CTNNA3: variants seen among roughly 807,000 people sequenced by gnomAD.
The protein encoded by CTNNA3 is catenin alpha-3.
A neutral mutation model predicts 95.7 loss-of-function variants in CTNNA3; 76 were observed. That is an observed-to-expected ratio of 0.79 (90% CI 0.66 to 0.96). The LOEUF is 0.96. Among genes scored for constraint, CTNNA3 ranks in the 40% least tolerant of loss-of-function variants. CTNNA3 has a pLI of 0.00. For missense variants in CTNNA3, 1,191 were observed against 1,089.8 expected, an observed-to-expected ratio of 1.09 and a Z score of -1.31; for synonymous variants, 431 against 374.4, an observed-to-expected ratio of 1.15 and a Z score of -1.74.
In CTNNA3 at chr10:65,938,398, A is replaced by G. The variant is rs575236085; in HGVS notation, c.2401-17781T>C. 4.6e-5 allele frequency among the ~76,000 whole-genome samples: 7 copies of G among 152,046 alleles called. No homozygotes were observed. The Admixed American group carries it at 4.6e-4, about 10-fold the overall frequency. ...GAATTTAAATTCTCTCTCTTCTGTC[A>G]GAAAGATGACAAAAAAAAATGACTC... is the stretch of plus-strand genomic sequence containing the variant. On this transcript the variant is annotated intron_variant, in intron 17 of 17. Transcript: ENST00000433211.
chr10:67,391,435 G>A (rs1024572186), intron 5 of CTNNA3, among the ~76,000 whole-genome samples: 4 of 152,266 alleles, frequency 2.6e-5, no homozygotes, highest in Admixed American at 6.5e-5. Flanking sequence ...AACATTCCAC[G>A]CTCATGGGTA....
intron 10 of CTNNA3, among the ~76,000 whole-genome samples, chr10:66,567,496 G>A (rs1842748650): frequency 6.6e-6 from 1 of 152,040 alleles, no homozygotes; most frequent in South Asian, 2.1e-4. Flanking sequence ...GTACATGCCT[G>A]TAGTCCTAGC....
chr10:67,153,398 C>T (rs1367370637), intron 7 of CTNNA3, among the ~76,000 whole-genome samples: 1 of 152,218 alleles, frequency 6.6e-6, no homozygotes, highest in African/African-American at 2.4e-5. Context: ...TAATAATGTG[C>T]AGCCAGGATT....
At chr10:67,688,329 G>A (rs1057106451) in intron 1 of CTNNA3, among the ~76,000 whole-genome samples, 3 of 152,094 alleles carry the variant, frequency 2.0e-5, no homozygotes, top group African/African-American at 7.2e-5. Context: ...CTTCTGGGTG[G>A]GGGAGATTAG....
At chr10:65,976,843 G>A (rs1404786396) in intron 16 of CTNNA3, among the ~76,000 whole-genome samples, 1 of 151,494 alleles carries the variant, frequency 6.6e-6, no homozygotes, top group Non-Finnish European at 1.5e-5. Context: ...ATTGAGTTCT[G>A]CATGTTTCTT....
intron 13 of CTNNA3, among the ~76,000 whole-genome samples, chr10:66,204,739 T>C (rs1056924358): frequency 6.6e-6 from 1 of 152,204 alleles, no homozygotes; most frequent in South Asian, 2.1e-4. Context: ...TCAGTTTAAA[T>C]GTCTGTCTCC....
intron 13 of CTNNA3, among the ~76,000 whole-genome samples, chr10:66,163,773 GC>G (rs1447144013): frequency 5.9e-5 from 9 of 152,168 alleles, no homozygotes; most frequent in Non-Finnish European, 1.0e-4. Flanking sequence ...ATCACTAGCT[GC>G]ATGACCATGT....
intron 13 of CTNNA3, among the ~76,000 whole-genome samples, chr10:66,237,843 A>G (rs573879103): frequency 2.4e-4 from 37 of 152,254 alleles, no homozygotes; most frequent in Admixed American, 2.0e-3. Context: ...TTGATACTTG[A>G]CATTATGGTA....
intron 7 of CTNNA3, among the ~76,000 whole-genome samples, chr10:66,884,794 G>A (rs1039889472): frequency 1.3e-5 from 2 of 152,088 alleles, no homozygotes; most frequent in Non-Finnish European, 2.9e-5. Context: ...ATAACAAAAG[G>A]TCAAGATTAT....
intron 9 of CTNNA3, among the ~76,000 whole-genome samples, chr10:66,688,735 G>A (rs1322046205): frequency 6.6e-6 from 1 of 152,090 alleles, no homozygotes; most frequent in Non-Finnish European, 1.5e-5. Context: ...ACTTTGGGAG[G>A]TTGAGGCAGG....
intron 13 of CTNNA3, among the ~76,000 whole-genome samples, chr10:66,106,337 TTGTGTGTGTGTGTGTGTG>T (rs201326026): frequency 1.9e-4 from 27 of 145,552 alleles, no homozygotes; most frequent in African/African-American, 5.1e-4. Context: ...GTGTGTGTGT[TTGTGTGTGTGTGTGTGTG>T]TGTGTGTGTG....
At chr10:66,700,630 C>T (rs1433602151) in intron 9 of CTNNA3, among the ~76,000 whole-genome samples, 1 of 152,138 alleles carries the variant, frequency 6.6e-6, no homozygotes, top group Non-Finnish European at 1.5e-5. Context: ...TGTAATTCCA[C>T]ATTAATTTTA....
At chr10:67,727,190 T>A (rs1841239528) in intron 1 of CTNNA3, among the ~76,000 whole-genome samples, 1 of 126,608 alleles carries the variant, frequency 7.9e-6, no homozygotes, top group African/African-American at 2.9e-5. Flanking sequence ...TTATATATAT[T>A]ATGTGTATAT....
At chr10:66,914,838 AT>A (rs1589418676) in intron 7 of CTNNA3, among the ~76,000 whole-genome samples, 1 of 152,194 alleles carries the variant, frequency 6.6e-6, no homozygotes, top group African/African-American at 2.4e-5. Flanking sequence ...ATGTTTCTTT[AT>A]TTACAAAAAC....
At chr10:67,489,969 C>T (rs74142822) in intron 5 of CTNNA3, among the ~76,000 whole-genome samples, 3,654 of 151,988 alleles carry the variant, frequency 0.024, 134 homozygotes, top group African/African-American at 0.078. Context: ...TCATTTCATT[C>T]CTCTTGAAAA....
chr10:66,348,952 G>C (rs1427575795), intron 12 of CTNNA3, among the ~76,000 whole-genome samples: 1 of 152,048 alleles, frequency 6.6e-6, no homozygotes, highest in Non-Finnish European at 1.5e-5. Context: ...ATATTTCTCT[G>C]ATGTGTCAGG....
At chr10:66,435,191 C>G (rs1247625881) in intron 11 of CTNNA3, among the ~76,000 whole-genome samples, 1 of 151,944 alleles carries the variant, frequency 6.6e-6, no homozygotes, top group South Asian at 2.1e-4. Flanking sequence ...AATTTCTTTT[C>G]TATTGTTTGA....
chr10:67,621,122 A>C (rs892278709), intron 2 of CTNNA3, among the ~76,000 whole-genome samples: 1 of 152,002 alleles, frequency 6.6e-6, no homozygotes, highest in South Asian at 2.1e-4. Context: ...TGGGAGCTTT[A>C]AAAATTATTG....
intron 7 of CTNNA3, among the ~76,000 whole-genome samples, chr10:66,962,691 G>A (rs571264724): frequency 6.6e-6 from 1 of 152,122 alleles, no homozygotes; most frequent in South Asian, 2.1e-4. Flanking sequence ...GATTACAGGC[G>A]TGAGCCACCG....
Sources: allele counts gnomAD v4.1 joint callset (sites outside exome capture counted in the v4.1 genomes callset), GRCh38; gene constraint gnomAD v4.1.1; transcripts MANE v1.5; gene names NCBI Gene and HGNC (gene_info 2026-07-23, HGNC 2026-07-21).